The following CSMD1 variants were observed in gnomAD, a reference collection of about 807,000 sequenced individuals.
CSMD1 encodes CUB and sushi domain-containing protein 1.
A neutral mutation model predicts 417.5 loss-of-function variants in CSMD1; 213 were observed. The observed-to-expected ratio is 0.51, with a 90% confidence interval of 0.46 to 0.57. CSMD1 has a LOEUF of 0.57. Ranked by LOEUF, CSMD1 falls within the 20% of genes least tolerant of loss-of-function variation. The probability of loss-of-function intolerance (pLI) is 0.00; values close to 1 mark genes in which losing one functional copy is unlikely to be tolerated. For synonymous variants in CSMD1, 2,862 were observed against 1,736.8 expected (o/e 1.65, Z -16.11); for missense variants, 6,923 against 4,529.7 (o/e 1.53, Z -15.17).
intron 7 of CSMD1, among the ~76,000 whole-genome samples, chr8:3,655,726 T>A (rs572408640): frequency 1.0e-3 from 157 of 151,648 alleles, no homozygotes; most frequent in African/African-American, 3.6e-3. Flanking sequence ...TGATTTATAA[T>A]TCAGCACAAA....
chr8:3,239,044 A>C (rs1269467755), intron 26 of CSMD1, among the ~76,000 whole-genome samples: 1 of 152,210 alleles, frequency 6.6e-6, no homozygotes, highest in Non-Finnish European at 1.5e-5. Flanking sequence ...AGGAACATCT[A>C]TACAGGAGTT....
intron 7 of CSMD1, among the ~76,000 whole-genome samples, chr8:3,628,535 G>C (rs1374038793): frequency 6.6e-6 from 1 of 152,204 alleles, no homozygotes; most frequent in Non-Finnish European, 1.5e-5. Context: ...CCTTAGTGAT[G>C]AAAGCCAGAG....
intron 3 of CSMD1, among the ~76,000 whole-genome samples, chr8:4,132,418 C>T (rs1261418632): frequency 6.6e-6 from 1 of 151,810 alleles, no homozygotes; most frequent in Admixed American, 6.6e-5. Context: ...TGATGTTTAC[C>T]CATAGAAACT....
rs145963453 is a variant in CSMD1 at position 3,052,205 on chromosome 8, T to C, written c.7660+257A>G. The stretch of plus-strand genomic sequence containing the variant: ...TTGAAAATGGCAGCACAGAATAGGA[T>C]GTGATGTGCAAATTACATCGTGTCT... On this transcript the variant is annotated intron_variant, in intron 50 of 69. Coordinates refer to ENST00000635120, the MANE Select transcript of CSMD1 (RefSeq NM_033225.6). Among the ~76,000 whole-genome samples the C allele has an allele frequency of 6.6e-3, 999 of 152,346 alleles. 14 individuals carry two copies. The highest frequency in any genetic ancestry group is 0.022 in the African/African-American group (934 of 41,584).
At chr8:3,674,941 C>G (rs1238595400) in intron 7 of CSMD1, among the ~76,000 whole-genome samples, 1 of 152,148 alleles carries the variant, frequency 6.6e-6, no homozygotes, top group African/African-American at 2.4e-5. Flanking sequence ...ACCCCCTAAG[C>G]CTCTGTAGGC....
chr8:3,187,993 T>C (rs1206228691), intron 35 of CSMD1, 28 bp from the exon 36 acceptor site: 1 of 1,591,164 alleles, frequency 6.3e-7, no homozygotes, highest in Non-Finnish European at 8.6e-7. Context: ...TAAGTTAATA[T>C]TTATTTTTGG....
intron 1 of CSMD1, among the ~76,000 whole-genome samples, chr8:4,675,809 C>A (rs184232682): frequency 1.3e-5 from 2 of 152,170 alleles, no homozygotes; most frequent in African/African-American, 4.8e-5. Context: ...TTTCTTTGAA[C>A]GAAAGCCAAA....
At chr8:3,284,123 G>T (rs753235340) in intron 26 of CSMD1, 21 bp downstream of exon 26, 2 of 1,540,200 alleles carry the variant, frequency 1.3e-6, no homozygotes, top group African/African-American at 1.4e-5. Flanking sequence ...AGGTAAAGAA[G>T]AAGCACGCTG....
chr8:3,384,838 C>T (rs1469661692), intron 18 of CSMD1, among the ~76,000 whole-genome samples: 1 of 117,158 alleles, frequency 8.5e-6, no homozygotes, highest in Non-Finnish European at 1.6e-5. Context: ...AAATAGTATA[C>T]ATATTTATAT....
At chr8:3,459,267 G>C (rs566451473) in intron 12 of CSMD1, among the ~76,000 whole-genome samples, 13 of 152,346 alleles carry the variant, frequency 8.5e-5, no homozygotes, top group Admixed American at 7.2e-4. Flanking sequence ...ATGGACCAGA[G>C]TGAGCAGGGT....
chr8:4,020,647 T>C (rs1446360593), intron 4 of CSMD1, among the ~76,000 whole-genome samples: 1 of 152,220 alleles, frequency 6.6e-6, no homozygotes, highest in Non-Finnish European at 1.5e-5. Context: ...CTTTATTTTT[T>C]CTTACTTATT....
At chr8:4,363,327 C>A (rs189591950) in intron 3 of CSMD1, among the ~76,000 whole-genome samples, 2 of 152,268 alleles carry the variant, frequency 1.3e-5, no homozygotes, top group Non-Finnish European at 2.9e-5. Context: ...ACTACAGGTA[C>A]CCTGCATAAC....
chr8:3,373,169 A>G (rs1257480128), intron 18 of CSMD1, among the ~76,000 whole-genome samples: 1 of 152,238 alleles, frequency 6.6e-6, no homozygotes, highest in Non-Finnish European at 1.5e-5. Flanking sequence ...GTTTAACAGT[A>G]TAAAAACAAT....
At chr8:4,460,798 G>T (rs898536526) in intron 2 of CSMD1, among the ~76,000 whole-genome samples, 4 of 152,132 alleles carry the variant, frequency 2.6e-5, no homozygotes, top group African/African-American at 9.6e-5. Flanking sequence ...TTATGCTAAA[G>T]AAAATTCCAG....
chr8:4,863,392 G>T (rs1307008075), intron 1 of CSMD1, among the ~76,000 whole-genome samples: 2 of 152,022 alleles, frequency 1.3e-5, no homozygotes, highest in Non-Finnish European at 2.9e-5. Context: ...TAAGTAAAGA[G>T]AATGCCTTTG....
At chr8:4,480,115 G>T (rs142171917) in intron 2 of CSMD1, among the ~76,000 whole-genome samples, 25 of 149,814 alleles carry the variant, frequency 1.7e-4, no homozygotes, top group Admixed American at 8.7e-4. Context: ...AAGGAACTTT[G>T]TTCTGTGCTG....
chr8:3,576,446 T>C (rs745673943), intron 9 of CSMD1, among the ~76,000 whole-genome samples: 1 of 152,164 alleles, frequency 6.6e-6, no homozygotes, highest in Non-Finnish European at 1.5e-5. Flanking sequence ...CTCAGCACTG[T>C]GTACCACGCT....
chr8:3,561,093 A>G (rs1050124115), intron 10 of CSMD1, among the ~76,000 whole-genome samples: 7 of 152,240 alleles, frequency 4.6e-5, no homozygotes, highest in Non-Finnish European at 1.0e-4. Context: ...CCACAGTGAG[A>G]TGCCACCTCA....
chr8:4,147,714 T>C (rs536348468), intron 3 of CSMD1, among the ~76,000 whole-genome samples: 4 of 152,262 alleles, frequency 2.6e-5, no homozygotes, highest in African/African-American at 7.2e-5. Context: ...AGGTTTCAGA[T>C]GCAGACACTG....
Sources: allele counts gnomAD v4.1 joint callset (sites outside exome capture counted in the v4.1 genomes callset), GRCh38; gene constraint gnomAD v4.1.1; transcripts MANE v1.5; gene names NCBI Gene and HGNC (gene_info 2026-07-23, HGNC 2026-07-21).